Variants in BLTP1 observed in about 807,000 individuals in gnomAD.
BLTP1 encodes the protein fragile site-associated protein.
the BLTP1 span, chr4:122,271,241 C>T: frequency 1.9e-6 from 3 of 1,613,864 alleles, no homozygotes; most frequent in African/African-American, 1.3e-5. Flanking sequence ...GGCTTTGGTT[C>T]GTCTTATTCA....
the BLTP1 span, chr4:122,305,285 C>T: frequency 2.1e-6 from 2 of 974,390 alleles, no homozygotes; most frequent in African/African-American, 1.8e-5. Context: ...CTTGTGCTAA[C>T]ATTACTCAGT....
At chr4:122,209,142 T>A in the BLTP1 span, 932 of 1,593,602 alleles carry the variant, frequency 5.8e-4, 8 homozygotes, top group African/African-American at 8.4e-3. Flanking sequence ...CTTTGGCTTA[T>A]TATAATTATT....
chr4:122,174,176 A>G, the BLTP1 span: 4 of 984,954 alleles, frequency 4.1e-6, no homozygotes, highest in Non-Finnish European at 3.6e-6. Flanking sequence ...TCGACATAAA[A>G]CTTCTTTCAA....
the BLTP1 span, chr4:122,226,329 A>G: frequency 6.0e-5 from 54 of 900,176 alleles, no homozygotes; most frequent in African/African-American, 9.0e-4. Flanking sequence ...ACTTTTTCAC[A>G]TAAAAGTTTG....
the BLTP1 span, among the ~76,000 whole-genome samples, chr4:122,267,298 A>G: frequency 6.6e-6 from 1 of 151,956 alleles, no homozygotes; most frequent in African/African-American, 2.4e-5. Context: ...TGACCTCGTG[A>G]TCCACCCGCC....
chr4:122,177,744 G>A, the BLTP1 span, among the ~76,000 whole-genome samples: 1 of 152,022 alleles, frequency 6.6e-6, no homozygotes, highest in Non-Finnish European at 1.5e-5. Flanking sequence ...TATTTGCTTG[G>A]TGGTTCTGGT....
At chr4:122,193,757 A>G in the BLTP1 span, 2 of 575,024 alleles carry the variant, frequency 3.5e-6, no homozygotes, top group Non-Finnish European at 4.4e-6. Context: ...CCATTGATAG[A>G]TTAGTGAAAG....
the BLTP1 span, chr4:122,198,574 T>C: frequency 3.0e-6 from 1 of 336,674 alleles, no homozygotes; most frequent in African/African-American, 2.2e-5. Context: ...ACCTGAGGAC[T>C]GAGGAGTCAA....
the BLTP1 span, among the ~76,000 whole-genome samples, chr4:122,330,388 T>C: frequency 6.6e-6 from 1 of 151,920 alleles, no homozygotes; most frequent in South Asian, 2.1e-4. Context: ...GCCAACACAC[T>C]TGTTTTTGCT....
chr4:122,184,028 T>A, the BLTP1 span, among the ~76,000 whole-genome samples: 1 of 152,080 alleles, frequency 6.6e-6, no homozygotes. Context: ...AATATTTTTT[T>A]AAAAAAGAAA....
the BLTP1 span, among the ~76,000 whole-genome samples, chr4:122,227,955 C>A: frequency 6.6e-6 from 1 of 150,752 alleles, no homozygotes; most frequent in Non-Finnish European, 1.5e-5. Flanking sequence ...GCTCTGTCGC[C>A]CAGGCTGGAG....
chr4:122,355,932 G>C, the BLTP1 span: 1 of 1,611,834 alleles, frequency 6.2e-7, no homozygotes, highest in Non-Finnish European at 8.5e-7. Flanking sequence ...CATTACCAAG[G>C]ATGCAGCTTG....
chr4:122,190,243 T>C, the BLTP1 span: 1 of 569,984 alleles, frequency 1.8e-6, no homozygotes, highest in East Asian at 1.5e-4. Context: ...ATGACAGGAA[T>C]ATGCCACTAT....
chr4:122,153,045 A>C, the BLTP1 span: 1 of 985,172 alleles, frequency 1.0e-6, no homozygotes, highest in Non-Finnish European at 1.2e-6. Context: ...TTGTATTCTG[A>C]ATTGGTGCTT....
At chr4:122,320,989 C>CTTTTTTTTT in the BLTP1 span, among the ~76,000 whole-genome samples, 1 of 122,982 alleles carries the variant, frequency 8.1e-6, no homozygotes, top group South Asian at 2.5e-4. Flanking sequence ...TTTTTCTTTT[C>CTTTTTTTTT]TTTTTTTTTT....
chr4:122,273,143 A>T, the BLTP1 span: 1 of 826,490 alleles, frequency 1.2e-6, no homozygotes, highest in African/African-American at 1.8e-5. Flanking sequence ...AGATTATATT[A>T]CATGAGAAAA....
At chr4:122,252,673 C>A in the BLTP1 span, among the ~76,000 whole-genome samples, 3 of 152,148 alleles carry the variant, frequency 2.0e-5, no homozygotes, top group African/African-American at 7.2e-5. Flanking sequence ...GTTTTTGTCT[C>A]CAGTTGTTGG....
At chr4:122,182,190 G>C in the BLTP1 span, among the ~76,000 whole-genome samples, 3 of 152,118 alleles carry the variant, frequency 2.0e-5, no homozygotes, top group Non-Finnish European at 4.4e-5. Context: ...TTAAAAGAGT[G>C]ACAAAAAGAA....
the BLTP1 span, chr4:122,192,352 A>G: frequency 6.2e-7 from 1 of 1,612,742 alleles, no homozygotes; most frequent in Non-Finnish European, 8.5e-7. Context: ...ACAGATTTTA[A>G]TTATGGACCA....
Sources: allele counts gnomAD v4.1 joint callset (sites outside exome capture counted in the v4.1 genomes callset), GRCh38; gene constraint gnomAD v4.1.1; transcripts MANE v1.5; gene names NCBI Gene and HGNC (gene_info 2026-07-23, HGNC 2026-07-21).